Variants in ZGPAT observed in about 807,000 individuals in gnomAD.
ZGPAT encodes zinc finger CCCH-type with G patch domain-containing protein.
Under a neutral mutation model 47.9 loss-of-function variants are expected in ZGPAT, and 39 were observed. The observed-to-expected ratio is 0.81, with a 90% CI of 0.63 to 1.06. The LOEUF is 1.06. ZGPAT is among the 50% of genes least tolerant of loss of function. The pLI, the probability that ZGPAT is intolerant of heterozygous loss-of-function variation, is 0.00. For missense variants in ZGPAT, 717 were observed against 681.4 expected (o/e 1.05, Z -0.58); for synonymous variants, 348 against 292.9 (o/e 1.19, Z -1.92).
chr20:63,716,516 C>T (rs2263804), intron 2 of ZGPAT, among the ~76,000 whole-genome samples: 151,641 of 151,698 alleles, frequency 1, 75,793 homozygotes, highest in Middle Eastern at 1. Context: ...TCTTTTCTTC[C>T]TCTTTTTTTT....
At chr20:63,729,593 G>A (rs1474279582) in intron 2 of ZGPAT, among the ~76,000 whole-genome samples, 1 of 152,066 alleles carries the variant, frequency 6.6e-6, no homozygotes, top group Non-Finnish European at 1.5e-5. Flanking sequence ...TGTGTGAGGG[G>A]GGGCTCTTCC....
Position 63,733,295 on chromosome 20 carries a change from G to A in ZGPAT, c.661G>A (p.Gly221Ser), listed in dbSNP as rs374721226. 71 of 1,613,462 alleles carry A rather than the reference G, an allele frequency of 4.4e-5. No individual in the cohort carries two copies. Among genetic ancestry groups the A allele is most frequent in the Non-Finnish European group, 5.3e-5 (63 of 1,179,974 alleles). ...CCCAGACCTGAGCTCCCTGCAGGCC[G>A]GCTCTGCGTGTCTGGCCAAGCACCA... Reference protein sequence around the residue: ...QDPDLSSLQAGSACLAKHQDG... With the variant: ...QDPDLSSLQASSACLAKHQDG... The change falls in exon 3 of 7, where the codon GGC becomes AGC. Residue 221 changes from glycine (G) to serine (S), a missense_variant. Gly to Ser is a moderately conservative substitution (Grantham distance 56, BLOSUM62 0). Transcript: ENST00000355969.
intron 2 of ZGPAT, among the ~76,000 whole-genome samples, chr20:63,714,200 C>T (rs1183357049): frequency 1.3e-5 from 2 of 151,910 alleles, no homozygotes; most frequent in Non-Finnish European, 2.9e-5. Flanking sequence ...TGGAAGTGGG[C>T]AGATCACTTG....
chr20:63,733,003 T>C (rs1235904991), intron 2 of ZGPAT, among the ~76,000 whole-genome samples: 1 of 147,762 alleles, frequency 6.8e-6, no homozygotes, highest in Non-Finnish European at 1.5e-5. Flanking sequence ...CGTGTGTATA[T>C]GTGCATGTGT....
Position 63,735,378 on chromosome 20 carries a change from G to C in ZGPAT, c.1211G>C (p.Gly404Ala), listed in dbSNP as rs976544817. 1 of 1,554,150 alleles carries C rather than the reference G, an allele frequency of 6.4e-7. No individual in the cohort carries two copies. Among genetic ancestry groups the C allele is most frequent in the Non-Finnish European group, 8.7e-7 (1 of 1,152,678 alleles). The change falls in exon 6 of 7, where the codon GGT (glycine) becomes GCT (alanine). Residue 404 changes from glycine to alanine, a missense_variant. Transcript: ENST00000355969. ...VFDFLNEKLQGQAPGALEAGA... is the reference protein window; with the variant it reads ...VFDFLNEKLQAQAPGALEAGA... ...GACTTCCTCAATGAAAAGCTGCAAG[G>C]TCAGGCTCCTGGGGCCCTAGAAGCC...
chr20:63,730,787 G>A (rs2091889842), intron 2 of ZGPAT, among the ~76,000 whole-genome samples: 1 of 152,154 alleles, frequency 6.6e-6, no homozygotes, highest in South Asian at 2.1e-4. Context: ...TGGCCCCTCA[G>A]TTGCTTTTGT....
chr20:63,707,443 G>C (rs2091542138), upstream of ZGPAT: 1 of 211,834 alleles, frequency 4.7e-6, no homozygotes. Flanking sequence ...GCGCGGAACG[G>C]GGAACACACT....
chr20:63,719,845 A>G (rs1288730966), intron 2 of ZGPAT, among the ~76,000 whole-genome samples: 1 of 151,296 alleles, frequency 6.6e-6, no homozygotes, highest in African/African-American at 2.4e-5. Flanking sequence ...GGTTCAAGTG[A>G]TTCTCCTGCC....
intron 2 of ZGPAT, among the ~76,000 whole-genome samples, chr20:63,723,685 C>T (rs1454342650): frequency 2.6e-5 from 4 of 152,046 alleles, no homozygotes; most frequent in African/African-American, 7.2e-5. Context: ...AGCTCCATCC[C>T]CTCTTCTCCT....
chr20:63,711,912 C>T (rs2091672902), intron 2 of ZGPAT, among the ~76,000 whole-genome samples: 1 of 152,188 alleles, frequency 6.6e-6, no homozygotes, highest in African/African-American at 2.4e-5. Flanking sequence ...TTCTGGATAT[C>T]ATCCCTTATG....
chr20:63,722,982 A>G (rs1005568788), intron 2 of ZGPAT, among the ~76,000 whole-genome samples: 2 of 152,174 alleles, frequency 1.3e-5, no homozygotes, highest in African/African-American at 4.8e-5. Context: ...GTACTATGAC[A>G]TAGTTCCCCC....
intron 2 of ZGPAT, among the ~76,000 whole-genome samples, chr20:63,723,050 CCCT>C (rs2091804439): frequency 1.3e-5 from 2 of 152,076 alleles, no homozygotes; most frequent in South Asian, 4.1e-4. Context: ...GTTCCATCCT[CCCT>C]CCTCCTATGA....
rs1197566277 is a variant in ZGPAT, at chr20:63,735,197, C to T, written c.1030C>T (p.His344Tyr). 1 of 1,541,040 alleles carries T rather than the reference C, an allele frequency of 6.5e-7. No individual in the cohort carries two copies. The highest frequency in any genetic ancestry group is 8.7e-7 in the Non-Finnish European group (1 of 1,143,384). Residue 344 changes from histidine (H) to tyrosine (Y), a missense_variant, in exon 6 of 7, where the codon CAT (histidine) becomes TAT (tyrosine). His to Tyr is a moderately conservative substitution (Grantham distance 83). Coordinates refer to ENST00000355969, the MANE Select transcript of ZGPAT (RefSeq NM_181485.3). Reference sequence around the variant, plus strand: ...CGCGGAAGGCCGGGTGGAGCCCATCCATGCTGTGGTGTTGCCTCGAGGGAA... The same window carrying T: ...CGCGGAAGGCCGGGTGGAGCCCATCTATGCTGTGGTGTTGCCTCGAGGGAA... ...RHAEGRVEPIHAVVLPRGKSL... is the reference protein window; with the variant it reads ...RHAEGRVEPIYAVVLPRGKSL...
chr20:63,734,094 C>G, intron 4 of ZGPAT: 1 of 302,438 alleles, frequency 3.3e-6, no homozygotes, highest in South Asian at 4.1e-5. Context: ...AGACTTGGGA[C>G]CTGGGTGCCT....
At chr20:63,728,720 C>T (rs746346407) in intron 2 of ZGPAT, among the ~76,000 whole-genome samples, 1 of 152,194 alleles carries the variant, frequency 6.6e-6, no homozygotes, top group Non-Finnish European at 1.5e-5. Context: ...AAGTGTTTAT[C>T]GAGTCACCAC....
intron 2 of ZGPAT, among the ~76,000 whole-genome samples, chr20:63,710,835 T>C (rs1195257745): frequency 6.6e-6 from 1 of 152,240 alleles, no homozygotes; most frequent in African/African-American, 2.4e-5. Context: ...CTCTTCCATA[T>C]TCAAATATGA....
chr20:63,732,502 G>GGC (rs1183135729), intron 2 of ZGPAT, among the ~76,000 whole-genome samples: 1 of 141,062 alleles, frequency 7.1e-6, no homozygotes, highest in Non-Finnish European at 1.6e-5. Flanking sequence ...TGTGGGTGAG[G>GGC]GCACGTGTGC....
chr20:63,734,952 C>A (rs73141848), intron 5 of ZGPAT, 128 bp downstream of exon 5: 2 of 1,359,484 alleles, frequency 1.5e-6, no homozygotes, highest in Non-Finnish European at 2.0e-6. Flanking sequence ...CACTGCCATC[C>A]CCGTGCTCCT....
At chr20:63,734,536 T>C (rs919916742) in intron 4 of ZGPAT, 169 bp from the exon 5 acceptor site, 16 of 1,302,804 alleles carry the variant, frequency 1.2e-5, no homozygotes, top group Non-Finnish European at 1.4e-5. Flanking sequence ...GCCCAAGAGG[T>C]GGGGTGTCGT....
Sources: allele counts gnomAD v4.1 joint callset (sites outside exome capture counted in the v4.1 genomes callset), GRCh38; gene constraint gnomAD v4.1.1; transcripts MANE v1.5; gene names NCBI Gene and HGNC (gene_info 2026-07-23, HGNC 2026-07-21).